Variants in UXS1 observed in about 807,000 individuals in gnomAD.
UXS1 encodes UDP-glucuronate decarboxylase 1.
UXS1 carries 33 observed loss-of-function variants against 62.6 expected under a neutral mutation model. That is an observed-to-expected ratio of 0.53 (90% CI 0.40 to 0.70). The LOEUF is 0.70. UXS1 is among the 30% of genes least tolerant of loss of function. The probability of loss-of-function intolerance (pLI) is 0.00; values close to 1 mark genes in which losing one functional copy is unlikely to be tolerated. For missense variants in UXS1, 434 were observed against 556.3 expected (o/e 0.78, Z 2.21); for synonymous variants, 213 against 206.8 (o/e 1.03, Z -0.26).
intron 6 of UXS1, among the ~76,000 whole-genome samples, chr2:106,139,982 A>G (rs1395019233): frequency 6.6e-6 from 1 of 152,368 alleles, no homozygotes; most frequent in East Asian, 1.9e-4. Context: ...TGCAATGTGA[A>G]GTCTCACAGC....
chr2:106,152,310 G>A (rs1682083144), intron 5 of UXS1, among the ~76,000 whole-genome samples: 1 of 152,022 alleles, frequency 6.6e-6, no homozygotes, highest in East Asian at 1.9e-4. Flanking sequence ...AAATTAGCTG[G>A]GCATGGTGGA....
At chr2:106,178,726 T>C (rs1169132102) in intron 1 of UXS1, among the ~76,000 whole-genome samples, 1 of 152,026 alleles carries the variant, frequency 6.6e-6, no homozygotes, top group Non-Finnish European at 1.5e-5. Context: ...CCCACCCTAG[T>C]GGATGCCTGG....
chr2:106,095,718 A>G (rs1373270264), intron 14 of UXS1, among the ~76,000 whole-genome samples: 1 of 152,200 alleles, frequency 6.6e-6, no homozygotes, highest in African/African-American at 2.4e-5. Context: ...GAGGGTGGGC[A>G]AAGAGGGAAC....
chr2:106,104,785 C>G lies in UXS1; in HGVS notation c.923+9G>C. On this transcript the variant is annotated intron_variant, in intron 11 of 14. Coordinates refer to ENST00000283148, the MANE Select transcript of UXS1 (RefSeq NM_001253875.2). ...CTGCTAAGGCTGGGGCAGGGCAGGA[C>G]AGTCTTACCTGACGTACTGGAACGC... is the stretch of plus-strand genomic sequence containing the variant. 1 of 1,613,980 alleles carries G rather than the reference C, an allele frequency of 6.2e-7. No homozygotes were observed. The highest frequency in any genetic ancestry group is 1.1e-5 in the South Asian group (1 of 91,078).
At chr2:106,176,147 TC>T (rs1683862852) in intron 1 of UXS1, among the ~76,000 whole-genome samples, 2 of 152,136 alleles carry the variant, frequency 1.3e-5, no homozygotes, top group South Asian at 2.1e-4. Flanking sequence ...AAAATTCTGA[TC>T]CCTATCCCCC....
intron 12 of UXS1, chr2:106,100,846 T>A (rs1677531429): frequency 3.3e-6 from 2 of 611,796 alleles, no homozygotes; most frequent in East Asian, 2.9e-5. Context: ...AGGGACTGAT[T>A]ACATCACTCA....
At chr2:106,125,954 G>C (rs1679905423) in intron 7 of UXS1, among the ~76,000 whole-genome samples, 1 of 152,190 alleles carries the variant, frequency 6.6e-6, no homozygotes, top group South Asian at 2.1e-4. Flanking sequence ...GATTTGAGGA[G>C]TTTCGTGAAG....
chr2:106,179,221 T>C (rs993920362), intron 1 of UXS1, among the ~76,000 whole-genome samples: 3 of 152,102 alleles, frequency 2.0e-5, no homozygotes, highest in Admixed American at 2.0e-4. Flanking sequence ...GGATCCTTTG[T>C]GATGAAGCCT....
chr2:106,125,711 T>C (rs1213885190), intron 7 of UXS1, 32 bp from the exon 8 acceptor site: 4 of 1,537,120 alleles, frequency 2.6e-6, no homozygotes, highest in African/African-American at 2.8e-5. Context: ...TAAAAGAGAC[T>C]GAATTTACAT....
At position 106,109,806 on chromosome 2, in the gene UXS1, G is replaced by A. The variant is rs183316533; in HGVS notation, c.879+2840C>T. Among the ~76,000 whole-genome samples, 98 of 152,304 alleles carry A rather than the reference G, an allele frequency of 6.4e-4. No homozygotes were observed. In the East Asian group the frequency reaches 9.1e-3, roughly 14 times the overall value. ...GCATGAGGAATCTGCTCAAAAACAC[G>A]GCTGCAAGGTAAGCAATCATACCCA... is the stretch of plus-strand genomic sequence containing the variant. On this transcript the variant is annotated intron_variant, in intron 10 of 14. Transcript: ENST00000283148.
At chr2:106,183,891 T>C (rs553595385) in intron 1 of UXS1, 39 of 152,300 alleles carry the variant, frequency 2.6e-4, no homozygotes, top group African/African-American at 8.9e-4. Flanking sequence ...GACCGCTTTA[T>C]TCAGAAAAGG....
At chr2:106,162,138 C>T (rs1682938183) in intron 4 of UXS1, among the ~76,000 whole-genome samples, 1 of 152,184 alleles carries the variant, frequency 6.6e-6, no homozygotes, top group African/African-American at 2.4e-5. Context: ...ACCTGACTTG[C>T]TGACCAACCT....
intron 5 of UXS1, among the ~76,000 whole-genome samples, chr2:106,147,332 A>G (rs1366480312): frequency 1.3e-5 from 2 of 152,234 alleles, no homozygotes; most frequent in Non-Finnish European, 2.9e-5. Flanking sequence ...GATCATAAAC[A>G]GGACCTAGGG....
chr2:106,139,046 G>A (rs1680883457), intron 6 of UXS1, among the ~76,000 whole-genome samples: 1 of 152,128 alleles, frequency 6.6e-6, no homozygotes, highest in Non-Finnish European at 1.5e-5. Flanking sequence ...TATAAATAAA[G>A]CAGCAAGGTT....
intron 5 of UXS1, among the ~76,000 whole-genome samples, chr2:106,156,895 A>G (rs902081538): frequency 2.0e-5 from 3 of 152,214 alleles, no homozygotes; most frequent in Non-Finnish European, 4.4e-5. Flanking sequence ...GTATATTCAT[A>G]TAACAGATTA....
At chr2:106,103,829 G>T (rs1325909550) in intron 11 of UXS1, among the ~76,000 whole-genome samples, 1 of 152,128 alleles carries the variant, frequency 6.6e-6, no homozygotes. Flanking sequence ...TGGTTATTTT[G>T]ATTTCTTTTT....
intron 1 of UXS1, among the ~76,000 whole-genome samples, chr2:106,175,675 AG>A (rs1683834788): frequency 6.6e-6 from 1 of 152,214 alleles, no homozygotes; most frequent in Non-Finnish European, 1.5e-5. Context: ...GAGGCCAGAC[AG>A]GTTGCCTGTG....
chr2:106,172,759 C>A (rs958270493), intron 1 of UXS1, among the ~76,000 whole-genome samples: 18 of 152,176 alleles, frequency 1.2e-4, no homozygotes, highest in Non-Finnish European at 1.3e-4. Flanking sequence ...AGGACCTCTA[C>A]CCTAAGGGAT....
At chr2:106,185,534 T>C (rs1365938386) in intron 1 of UXS1, among the ~76,000 whole-genome samples, 1 of 152,126 alleles carries the variant, frequency 6.6e-6, no homozygotes, top group Admixed American at 6.5e-5. Flanking sequence ...GCCTGAAACA[T>C]CTAGACATTA....
Sources: allele counts gnomAD v4.1 joint callset (sites outside exome capture counted in the v4.1 genomes callset), GRCh38; gene constraint gnomAD v4.1.1; transcripts MANE v1.5; gene names NCBI Gene and HGNC (gene_info 2026-07-23, HGNC 2026-07-21).